The following PCYT1A variants were observed in gnomAD, a reference collection of about 807,000 sequenced individuals.
The protein encoded by PCYT1A is phosphate cytidylyltransferase 1A, choline.
Under a neutral mutation model 43.7 loss-of-function variants are expected in PCYT1A, and 25 were observed. That is an observed-to-expected ratio of 0.57 (90% CI 0.42 to 0.80). The LOEUF is 0.80. PCYT1A is among the 30% of genes least tolerant of loss of function. PCYT1A has a pLI of 0.00. For missense variants in PCYT1A, 421 were observed against 474.2 expected, an observed-to-expected ratio of 0.89 and a Z score of 1.04; for synonymous variants, 172 against 170.7, an observed-to-expected ratio of 1.01 and a Z score of -0.06.
At position 196,236,065 on chromosome 3, in the gene PCYT1A, C is replaced by T. The variant is rs1050483465; in HGVS notation, c.*2623G>A. ...AGTTTCCCAATAACATGTACGTTTG[C>T]TGGCCCTAGCAGTCTCAGAGGCCTG... is the stretch of plus-strand genomic sequence containing the variant. On this transcript the variant is annotated 3_prime_UTR_variant, in exon 9 of 9. Transcript: ENST00000431016. 6.6e-6 allele frequency: 1 copy of T among 152,342 alleles called. No homozygotes were observed. The highest frequency in any genetic ancestry group is 1.9e-4 in the East Asian group (1 of 5,192). 9.4% of individuals were successfully genotyped at this position (152,342 alleles called of 1,614,324 possible).
chr3:196,238,652 G>T lies in PCYT1A; in HGVS notation c.*36C>A. 1 of 1,354,230 alleles carries T rather than the reference G, an allele frequency of 7.4e-7. No individual in the cohort carries two copies. The highest frequency in any genetic ancestry group is 1.0e-6 in the Non-Finnish European group (1 of 1,002,838). 83.9% of individuals were successfully genotyped at this position (1,354,230 alleles called of 1,614,324 possible). On this transcript the variant is annotated 3_prime_UTR_variant, in exon 9 of 9. Transcript: ENST00000431016. ...AACAGAGAGCTTCTGAAGGTAATGGGACAGAAAGGGAGGACAGGAAAGGAG... is the reference window on the plus strand; with the variant it reads ...AACAGAGAGCTTCTGAAGGTAATGGTACAGAAAGGGAGGACAGGAAAGGAG...
intron 3 of PCYT1A, among the ~76,000 whole-genome samples, chr3:196,250,235 G>T (rs1724709121): frequency 6.8e-6 from 1 of 147,772 alleles, no homozygotes; most frequent in Non-Finnish European, 1.5e-5. Flanking sequence ...CGAGGCTGAG[G>T]ACCAGGTACA....
In PCYT1A at chr3:196,248,065, T is replaced by A. The variant is rs12490786; in HGVS notation, c.334+142A>T. On this transcript the variant is annotated intron_variant, in intron 4 of 8. Coordinates refer to ENST00000431016, the MANE Select transcript of PCYT1A (RefSeq NM_001312673.2). Reference sequence around the variant, plus strand: ...TCCAGGTTTAGTTTGCTGGTACCCATATACTTCATGTGTGTTAGAGAGGCT... The same window carrying A: ...TCCAGGTTTAGTTTGCTGGTACCCAAATACTTCATGTGTGTTAGAGAGGCT... 89,138 of 658,170 alleles carry A rather than the reference T, an allele frequency of 0.14. 6,608 individuals carry two copies. Among genetic ancestry groups the A allele is most frequent in the South Asian group, 0.2 (11,208 of 55,800 alleles). 40.8% of individuals were successfully genotyped at this position (658,170 alleles called of 1,614,324 possible).
intron 1 of PCYT1A, among the ~76,000 whole-genome samples, chr3:196,276,797 G>A (rs1440705972): frequency 6.6e-6 from 1 of 151,944 alleles, no homozygotes; most frequent in African/African-American, 2.4e-5. Context: ...TTGACCAGGT[G>A]TAGTGGCACA....
rs149559427 is a variant in PCYT1A at position 196,270,519 on chromosome 3, A to G, written c.13T>C (p.Cys5Arg). ...TTCCTTGCATTGACCTTGGCTGAACACTGTGCATCCATCTTCTTTTAACTG... is the reference window on the plus strand; with the variant it reads ...TTCCTTGCATTGACCTTGGCTGAACGCTGTGCATCCATCTTCTTTTAACTG... MDAQ[C>R]SAKVNARKRR... The change falls in exon 2 of 9, where the codon TGT becomes CGT. Residue 5 changes from cysteine (C) to arginine (R), a missense_variant. This residue lies in a region of PCYT1A where 139 missense variants were observed against 117.7 expected (regional missense o/e 1.18). Transcript: ENST00000431016. The G allele has an allele frequency of 2.0e-4, 325 of 1,613,138 alleles. No homozygotes were observed. The highest frequency in any genetic ancestry group is 2.6e-4 in the Non-Finnish European group (312 of 1,179,190).
At chr3:196,286,728 A>T (rs905488300) in intron 1 of PCYT1A, among the ~76,000 whole-genome samples, 3 of 152,198 alleles carry the variant, frequency 2.0e-5, no homozygotes, top group Non-Finnish European at 4.4e-5. Flanking sequence ...AGCCTGGCCA[A>T]CATGGAGAAT....
At chr3:196,270,608 CAG>C (rs1725402888) in intron 1 of PCYT1A, 67 bp from the exon 2 acceptor site, 2 of 1,000,226 alleles carry the variant, frequency 2.0e-6, no homozygotes, top group Non-Finnish European at 3.2e-6. Flanking sequence ...ACCAGTATTT[CAG>C]AGACGTTGAC....
chr3:196,263,596 A>T (rs1227184932), intron 2 of PCYT1A, among the ~76,000 whole-genome samples: 1 of 152,108 alleles, frequency 6.6e-6, no homozygotes, highest in East Asian at 1.9e-4. Flanking sequence ...GGGACAAAGA[A>T]CAGAGCTGAA....
intron 1 of PCYT1A, among the ~76,000 whole-genome samples, chr3:196,275,821 G>A (rs1451500890): frequency 2.0e-5 from 3 of 152,068 alleles, no homozygotes; most frequent in Admixed American, 6.5e-5. Context: ...AATGCAGCCA[G>A]GCACGGTGGC....
rs1004845241 is a variant in PCYT1A, at chr3:196,282,405, A to G, written c.-11+5210T>C. 3.3e-5 allele frequency among the ~76,000 whole-genome samples: 5 copies of G among 152,216 alleles called. No homozygotes were observed. The highest frequency in any genetic ancestry group is 5.9e-5 in the Non-Finnish European group (4 of 68,034). On this transcript the variant is annotated intron_variant, in intron 1 of 8. Transcript: ENST00000431016. The surrounding 1 kb of genome is among the most constrained non-coding windows in gnomAD (Gnocchi z 4.3). ...CTTCCTAGAGTGGGTTATGGAACTC[A>G]TATCTCTGAGGCAGGGTCTATGATA...
At chr3:196,271,112 C>A (rs1725417920) in intron 1 of PCYT1A, among the ~76,000 whole-genome samples, 1 of 151,994 alleles carries the variant, frequency 6.6e-6, no homozygotes, top group Non-Finnish European at 1.5e-5. Context: ...GCAGCTTCAA[C>A]CTCGTTAGCT....
rs763144991 is a variant in PCYT1A, at chr3:196,273,694, G to C, written c.-10-3153C>G. Among the ~76,000 whole-genome samples the C allele has an allele frequency of 6.6e-6, 1 of 152,184 alleles. No individual in the cohort carries two copies. ...GCAGGCAGGTCATCCCATCAAGTAT[G>C]GCTGAGTCCAGGGTTTCTACGGGCT... On this transcript the variant is annotated intron_variant, in intron 1 of 8. Coordinates refer to ENST00000431016, the MANE Select transcript of PCYT1A (RefSeq NM_001312673.2). This position sits in a 1 kb window ranked among gnomAD's most constrained non-coding sequence, Gnocchi z 4.1.
chr3:196,258,592 ATTTT>A (rs113525117), intron 2 of PCYT1A, among the ~76,000 whole-genome samples: 1 of 144,738 alleles, frequency 6.9e-6, no homozygotes. Flanking sequence ...TCCAATCTGG[ATTTT>A]TTTTTTTTTT....
chr3:196,247,617 A>C lies in PCYT1A; in HGVS notation c.335-99T>G. The C allele has an allele frequency of 1.7e-6, 2 of 1,178,416 alleles. No individual in the cohort carries two copies. Among genetic ancestry groups the C allele is most frequent in the Non-Finnish European group, 2.5e-6 (2 of 790,954 alleles). 73.0% of individuals were successfully genotyped at this position (1,178,416 alleles called of 1,614,324 possible). A position where few individuals can be genotyped will look rare whatever the true frequency, so the allele number is the denominator to read the frequency against. On this transcript the variant is annotated intron_variant, in intron 4 of 8. Transcript: ENST00000431016. The surrounding 1 kb of genome is among the most constrained non-coding windows in gnomAD (Gnocchi z 4.8). Reference sequence around the variant, plus strand: ...ATCTTCTCCCACTGCTTAGGACTGCAACCATCTTCCCCAACTGGAAAAAAG... The same window carrying C: ...ATCTTCTCCCACTGCTTAGGACTGCCACCATCTTCCCCAACTGGAAAAAAG...
chr3:196,239,741 TAAAG>T lies in PCYT1A; in HGVS notation c.709-10_709-7del. The T allele has an allele frequency of 6.4e-7, 1 of 1,572,014 alleles. No individual in the cohort carries two copies. The highest frequency in any genetic ancestry group is 8.8e-7 in the Non-Finnish European group (1 of 1,142,150). ...TGCAAGTGGTATTTCTTCTCCTAGA[TAAAG>T]AAATAACTCTTCTGAGAAATAATGC... is the stretch of plus-strand genomic sequence containing the variant. On this transcript the variant is annotated splice_polypyrimidine_tract_variant and splice_region_variant and intron_variant, in intron 7 of 8. Transcript: ENST00000431016.
Position 196,277,028 on chromosome 3 carries a change from A to G in PCYT1A, c.-10-6487T>C, listed in dbSNP as rs1218815541. 2.0e-5 allele frequency among the ~76,000 whole-genome samples: 3 copies of G among 151,968 alleles called. No individual in the cohort carries two copies. The highest frequency in any genetic ancestry group is 4.4e-5 in the Non-Finnish European group (3 of 67,992). On this transcript the variant is annotated intron_variant, in intron 1 of 8. Coordinates refer to ENST00000431016, the MANE Select transcript of PCYT1A (RefSeq NM_001312673.2). This position sits in a 1 kb window ranked among gnomAD's most constrained non-coding sequence, Gnocchi z 4.1. Reference sequence around the variant, plus strand: ...GCGAATCACCTGAGGTCTGGAGTTCAAGACCAGCCTGGCCAACATGGTGAA... The same window carrying G: ...GCGAATCACCTGAGGTCTGGAGTTCGAGACCAGCCTGGCCAACATGGTGAA...
intron 3 of PCYT1A, among the ~76,000 whole-genome samples, chr3:196,254,438 C>A (rs530364787): frequency 1.1e-3 from 167 of 152,158 alleles, no homozygotes; most frequent in African/African-American, 4.0e-3. Context: ...GTGGTCTAGA[C>A]CTCCTGGGCT....
rs541434124 is a variant in PCYT1A, at chr3:196,242,651, G to C, written c.487-11C>G. Reference sequence around the variant, plus strand: ...GGCTACAAAATCAATCTGAAAATAAGGAAACATCATTAAAACCCATGATAA... The same window carrying C: ...GGCTACAAAATCAATCTGAAAATAACGAAACATCATTAAAACCCATGATAA... On this transcript the variant is annotated splice_polypyrimidine_tract_variant and intron_variant, in intron 5 of 8. Transcript: ENST00000431016. The surrounding 1 kb of genome is among the most constrained non-coding windows in gnomAD (Gnocchi z 4.2). The C allele has an allele frequency of 5.7e-6, 9 of 1,567,722 alleles. No homozygotes were observed. In the African/African-American group the frequency reaches 6.7e-5, roughly 12 times the overall value.
At position 196,257,793 on chromosome 3, in the gene PCYT1A, G is replaced by A; in HGVS notation, c.212C>T (p.Thr71Ile). 6.3e-7 allele frequency: 1 copy of A among 1,576,646 alleles called. No individual in the cohort carries two copies. Among genetic ancestry groups the A allele is most frequent in the Non-Finnish European group, 8.7e-7 (1 of 1,146,382 alleles). ...RVTMEEASRG[T>I]PCERPVRVYA... ...TTAAGAAGGTATTTACTTACAAGGA[G>A]TTCCTCTGCTGGCTTCTTCCATAGT... Residue 71 changes from threonine to isoleucine, a missense_variant, in exon 3 of 9, where the codon ACT becomes ATT. Around this residue, in one of 3 missense-constraint regions of PCYT1A, gnomAD observed 139 missense variants for 117.7 expected, o/e 1.18. Coordinates refer to ENST00000431016, the MANE Select transcript of PCYT1A (RefSeq NM_001312673.2).
Sources: allele counts gnomAD v4.1 joint callset (sites outside exome capture counted in the v4.1 genomes callset), GRCh38; gene constraint gnomAD v4.1.1; regional missense constraint gnomAD v4.1.1; non-coding constraint Gnocchi (gnomAD v3.1); transcripts MANE v1.5; gene names NCBI Gene and HGNC (gene_info 2026-07-23, HGNC 2026-07-21).